UST: variants seen among roughly 807,000 people sequenced by gnomAD.
UST encodes uronyl 2-sulfotransferase.
A neutral mutation model predicts 45.6 loss-of-function variants in UST; 21 were observed. That is an observed-to-expected ratio of 0.46 (90% CI 0.33 to 0.66). The LOEUF is 0.66. Among genes scored for constraint, UST ranks in the 30% least tolerant of loss-of-function variants. UST has a pLI of 0.02. For missense variants in UST, 463 were observed against 512.4 expected, an observed-to-expected ratio of 0.90 and a Z score of 0.93; for synonymous variants, 215 against 200.6, an observed-to-expected ratio of 1.07 and a Z score of -0.61.
At chr6:148,959,938 C>A (rs912984592) in intron 4 of UST, among the ~76,000 whole-genome samples, 3 of 151,920 alleles carry the variant, frequency 2.0e-5, no homozygotes, top group African/African-American at 7.3e-5. Context: ...CATGCTGGCC[C>A]CCACTGGACC....
intron 5 of UST, among the ~76,000 whole-genome samples, chr6:148,987,625 G>A (rs1399618929): frequency 1.3e-5 from 2 of 152,102 alleles, no homozygotes; most frequent in Admixed American, 6.5e-5. Flanking sequence ...TTTTGACATG[G>A]CAAAAGAATC....
intron 5 of UST, among the ~76,000 whole-genome samples, chr6:149,013,902 T>G (rs1187171680): frequency 6.6e-6 from 1 of 152,208 alleles, no homozygotes; most frequent in Non-Finnish European, 1.5e-5. Flanking sequence ...TATAAAAGGA[T>G]AAGTAAAATA....
intron 1 of UST, among the ~76,000 whole-genome samples, chr6:148,812,656 G>A (rs956009483): frequency 2.0e-5 from 3 of 152,234 alleles, no homozygotes; most frequent in African/African-American, 7.2e-5. Flanking sequence ...CCCCATAGGG[G>A]TGCTCATGAC....
chr6:148,759,499 C>T (rs1197364506), intron 1 of UST, among the ~76,000 whole-genome samples: 2 of 151,016 alleles, frequency 1.3e-5, no homozygotes, highest in South Asian at 4.2e-4. Context: ...TGCACTCCAG[C>T]CCGGGCGACA....
intron 2 of UST, among the ~76,000 whole-genome samples, chr6:148,887,364 C>A (rs548138289): frequency 2.0e-5 from 3 of 152,252 alleles, no homozygotes; most frequent in Non-Finnish European, 4.4e-5. Context: ...TAGCCACACC[C>A]GGCCTCCCCA....
At chr6:148,769,233 A>G (rs1776375011) in intron 1 of UST, among the ~76,000 whole-genome samples, 1 of 152,224 alleles carries the variant, frequency 6.6e-6, no homozygotes, top group South Asian at 2.1e-4. Context: ...CTATTTGTAT[A>G]AGCAGCTAGA....
chr6:149,010,677 G>A (rs1167357090), intron 5 of UST, among the ~76,000 whole-genome samples: 2 of 151,820 alleles, frequency 1.3e-5, no homozygotes, highest in African/African-American at 2.4e-5. Context: ...GGCAGATCAC[G>A]AGGTCAGGAG....
chr6:148,870,678 G>T (rs1036894545), intron 1 of UST, among the ~76,000 whole-genome samples: 1 of 152,128 alleles, frequency 6.6e-6, no homozygotes, highest in Admixed American at 6.5e-5. Flanking sequence ...ACTACAGGAT[G>T]CATTTACTCC....
chr6:148,895,371 T>C (rs538202546), intron 2 of UST, among the ~76,000 whole-genome samples: 6 of 152,294 alleles, frequency 3.9e-5, no homozygotes, highest in Non-Finnish European at 1.5e-5. Context: ...AAGACAAAGT[T>C]ACCGAAGAGA....
chr6:148,859,000 T>C (rs374870619), intron 1 of UST, among the ~76,000 whole-genome samples: 1,840 of 151,970 alleles, frequency 0.012, 22 homozygotes, highest in Admixed American at 0.022. Flanking sequence ...TTATAATCCT[T>C]TGGGTATATA....
intron 7 of UST, among the ~76,000 whole-genome samples, chr6:149,061,905 CA>C (rs1243094018): frequency 3.3e-5 from 5 of 152,214 alleles, no homozygotes; most frequent in African/African-American, 1.2e-4. Flanking sequence ...AATGGAGAAA[CA>C]TCACTAAAAA....
At chr6:148,759,032 C>T (rs1776151813) in intron 1 of UST, among the ~76,000 whole-genome samples, 1 of 152,166 alleles carries the variant, frequency 6.6e-6, no homozygotes, top group African/African-American at 2.4e-5. Flanking sequence ...GACAATAAGT[C>T]AGTTGTCGGT....
chr6:148,807,890 C>A (rs1034923240), intron 1 of UST, among the ~76,000 whole-genome samples: 2 of 152,162 alleles, frequency 1.3e-5, no homozygotes, highest in African/African-American at 4.8e-5. Context: ...AATAAGCCCC[C>A]TGAACTCACT....
At chr6:148,813,822 G>T (rs1777306651) in intron 1 of UST, among the ~76,000 whole-genome samples, 1 of 152,124 alleles carries the variant, frequency 6.6e-6, no homozygotes, top group South Asian at 2.1e-4. Flanking sequence ...GATACTGAAA[G>T]GGCCATTCTA....
At chr6:149,005,176 C>T (rs1256782605) in intron 5 of UST, 2 of 397,934 alleles carry the variant, frequency 5.0e-6, no homozygotes, top group Admixed American at 6.4e-5. Flanking sequence ...AAGCAGAGCT[C>T]TTCTGGCTTG....
rs576419599 is a variant in UST, at chr6:149,029,489, A to T, written c.937+8008A>T. ...ATTATATATATAATGTATATATAAT[A>T]TATAATGTATATATTATATAGATAC... On this transcript the variant is annotated intron_variant, in intron 7 of 7. Transcript: ENST00000367463. Among the ~76,000 whole-genome samples, 37 of 146,456 alleles carry T rather than the reference A, an allele frequency of 2.5e-4. No individual in the cohort carries two copies. In the South Asian group the frequency reaches 7.8e-3, roughly 31 times the overall value.
chr6:148,907,990 C>T (rs1458119428), intron 2 of UST, among the ~76,000 whole-genome samples: 1 of 148,682 alleles, frequency 6.7e-6, no homozygotes, highest in Non-Finnish European at 1.5e-5. Flanking sequence ...CTCACTGCAA[C>T]CTCCGTCTCG....
At chr6:148,880,638 A>AT (rs1474626650) in intron 1 of UST, among the ~76,000 whole-genome samples, 1 of 152,194 alleles carries the variant, frequency 6.6e-6, no homozygotes, top group Non-Finnish European at 1.5e-5. Flanking sequence ...GGAGGGCTCC[A>AT]TCATGAAGGG....
At chr6:148,799,611 T>G (rs1178039606) in intron 1 of UST, among the ~76,000 whole-genome samples, 1 of 152,154 alleles carries the variant, frequency 6.6e-6, no homozygotes, top group Non-Finnish European at 1.5e-5. Flanking sequence ...TTATCTGCAC[T>G]TAGGTCCCCA....
Sources: allele counts gnomAD v4.1 joint callset (sites outside exome capture counted in the v4.1 genomes callset), GRCh38; gene constraint gnomAD v4.1.1; transcripts MANE v1.5; gene names NCBI Gene and HGNC (gene_info 2026-07-23, HGNC 2026-07-21).